The following DYNC1I2 variants were observed in gnomAD, a reference collection of about 807,000 sequenced individuals.
DYNC1I2 encodes cytoplasmic dynein 1 intermediate chain 2.
Under a neutral mutation model 88.6 loss-of-function variants are expected in DYNC1I2, and 53 were observed. The ratio of observed to expected loss-of-function variants is 0.60; its 90% CI spans 0.48 to 0.75. The LOEUF (loss-of-function observed/expected upper bound fraction) is 0.75. Among genes scored for constraint, DYNC1I2 ranks in the 30% least tolerant of loss-of-function variants. DYNC1I2 has a pLI of 0.00. For synonymous variants in DYNC1I2, 198 were observed against 254.6 expected, an observed-to-expected ratio of 0.78 and a Z score of 2.12; for missense variants, 458 against 766.6, an observed-to-expected ratio of 0.60 and a Z score of 4.75.
intron 4 of DYNC1I2, chr2:171,706,781 A>ACTTTTTGAAAGAAAAAAT (rs1686713347): frequency 2.1e-6 from 1 of 468,706 alleles, no homozygotes; most frequent in Non-Finnish European, 3.7e-6. Context: ...ATCATTTTAA[A>ACTTTTTGAAAGAAAAAAT]CATTACTTTT....
intron 15 of DYNC1I2, among the ~76,000 whole-genome samples, chr2:171,740,819 T>C (rs952431830): frequency 6.6e-6 from 1 of 152,184 alleles, no homozygotes; most frequent in African/African-American, 2.4e-5. Flanking sequence ...CCTTATACCA[T>C]GAAATTCACC....
At chr2:171,710,122 TACACACACACAC>T (rs55862813) in intron 5 of DYNC1I2, among the ~76,000 whole-genome samples, 239 of 144,426 alleles carry the variant, frequency 1.7e-3, no homozygotes, top group Middle Eastern at 7.0e-3. Flanking sequence ...TATGTATATA[TACACACACACAC>T]ACACACACAC....
chr2:171,688,791 T>G (rs1283259814), intron 1 of DYNC1I2: 1 of 152,190 alleles, frequency 6.6e-6, no homozygotes, highest in Non-Finnish European at 1.5e-5. Flanking sequence ...CTTACCTTTG[T>G]TCAGATTTAA....
intron 3 of DYNC1I2, among the ~76,000 whole-genome samples, chr2:171,704,568 C>T (rs1278880696): frequency 3.3e-5 from 5 of 152,100 alleles, no homozygotes; most frequent in Non-Finnish European, 5.9e-5. Flanking sequence ...ATCTCAGATA[C>T]TTGGCAAAAA....
At chr2:171,698,468 T>A (rs1419078832) in intron 3 of DYNC1I2, among the ~76,000 whole-genome samples, 2 of 152,148 alleles carry the variant, frequency 1.3e-5, no homozygotes, top group Non-Finnish European at 2.9e-5. Flanking sequence ...CCCTGCAACC[T>A]CCGCCTCCCA....
Position 171,728,745 on chromosome 2 carries a change from C to T in DYNC1I2, c.1286C>T (p.Ser429Leu). 6.2e-7 allele frequency: 1 copy of T among 1,606,662 alleles called. No individual in the cohort carries two copies. The highest frequency in any genetic ancestry group is 2.2e-5 in the East Asian group (1 of 44,656). ...QDSMELVHKQ[S>L]KAVAVTSMSF... ...AGCATGGAGTTGGTTCATAAACAGT[C>T]AAAAGCAGTAGCTGTGACATCTATG... is the stretch of plus-strand genomic sequence containing the variant. Residue 429 changes from serine to leucine, a missense_variant, in exon 14 of 18, where the codon TCA becomes TTA. By Grantham distance (145) the Ser-to-Leu change is moderately radical. Transcript: ENST00000397119.
rs1396387759 is a variant in DYNC1I2, at chr2:171,694,517, C to T, written c.226+1623C>T. ...TACTAAAAATACAAAATTAGGTGGG[C>T]GTGGTGGCGCATGCCTGTAATCCCA... On this transcript the variant is annotated intron_variant, in intron 3 of 17. Coordinates refer to ENST00000397119, the MANE Select transcript of DYNC1I2 (RefSeq NM_001378.3). Among the ~76,000 whole-genome samples, 12 of 151,858 alleles carry T rather than the reference C, an allele frequency of 7.9e-5. No homozygotes were observed. In the East Asian group the frequency reaches 9.9e-4, roughly 12 times the overall value.
chr2:171,740,500 C>T (rs1176205727), intron 15 of DYNC1I2, among the ~76,000 whole-genome samples: 2 of 152,140 alleles, frequency 1.3e-5, no homozygotes, highest in Non-Finnish European at 2.9e-5. Flanking sequence ...CTTTTTCCTA[C>T]TTGCGATTTG....
chr2:171,706,717 T>TA (rs1226945498), intron 4 of DYNC1I2, among the ~76,000 whole-genome samples, 153 bp downstream of exon 4: 1 of 152,190 alleles, frequency 6.6e-6, no homozygotes, highest in Non-Finnish European at 1.5e-5. Context: ...GCCATTCCTT[T>TA]AGCTGCAGTC....
At chr2:171,710,118 TATATACACAC>T (rs1367575946) in intron 5 of DYNC1I2, among the ~76,000 whole-genome samples, 3 of 72,682 alleles carry the variant, frequency 4.1e-5, no homozygotes, top group Non-Finnish European at 8.4e-5. Flanking sequence ...TTTTTATGTA[TATATACACAC>T]ACACACACAC....
At chr2:171,743,242 A>G (rs1689567114) in intron 15 of DYNC1I2, among the ~76,000 whole-genome samples, 1 of 152,190 alleles carries the variant, frequency 6.6e-6, no homozygotes, top group Non-Finnish European at 1.5e-5. Flanking sequence ...GTGGATGTGG[A>G]TCATCATAAA....
intron 3 of DYNC1I2, among the ~76,000 whole-genome samples, chr2:171,696,335 T>G (rs536726197): frequency 6.6e-6 from 1 of 152,262 alleles, no homozygotes; most frequent in South Asian, 2.1e-4. Context: ...GAAATACTGA[T>G]TAGAGAATTT....
intron 15 of DYNC1I2, among the ~76,000 whole-genome samples, chr2:171,732,251 T>C (rs1220857850): frequency 1.3e-5 from 2 of 152,166 alleles, no homozygotes. Flanking sequence ...TATTCCTAGC[T>C]ACTCGGGAGG....
At chr2:171,739,696 C>CTCTCTCTCTCTCTTTTTTTTTTTTT (rs1689267774) in intron 15 of DYNC1I2, among the ~76,000 whole-genome samples, 20 of 65,092 alleles carry the variant, frequency 3.1e-4, no homozygotes, top group African/African-American at 1.1e-3. Context: ...TGACATATCT[C>CTCTCTCTCTCTCTTTTTTTTTTTTT]TTTTTTTTTT....
At chr2:171,694,334 T>C (rs1294810625) in intron 3 of DYNC1I2, among the ~76,000 whole-genome samples, 1 of 152,136 alleles carries the variant, frequency 6.6e-6, no homozygotes, top group Non-Finnish European at 1.5e-5. Context: ...TTCTTTGTGT[T>C]GCTATAAAGA....
At position 171,750,069 on chromosome 2, in the gene DYNC1I2, T is replaced by C. The variant is rs546325115; in HGVS notation, c.*2180T>C. 7.2e-5 allele frequency among the ~76,000 whole-genome samples: 11 copies of C among 152,336 alleles called. No individual in the cohort carries two copies. The highest frequency in any genetic ancestry group is 2.4e-4 in the African/African-American group (10 of 41,584). On this transcript the variant is annotated 3_prime_UTR_variant, in exon 18 of 18. Transcript: ENST00000397119. Reference sequence around the variant, plus strand: ...TTTTCGTTGTTTGGTTTTTGTCTTTTTGAGTGGAACGTTAAAGTTTATTAC... The same window carrying C: ...TTTTCGTTGTTTGGTTTTTGTCTTTCTGAGTGGAACGTTAAAGTTTATTAC...
At chr2:171,742,919 C>A (rs1287789509) in intron 15 of DYNC1I2, among the ~76,000 whole-genome samples, 1 of 152,180 alleles carries the variant, frequency 6.6e-6, no homozygotes, top group Admixed American at 6.5e-5. Flanking sequence ...AGCACCCAGA[C>A]TGTACCATGA....
rs1688205497 is a variant in DYNC1I2 at position 171,725,709 on chromosome 2, T to G, written c.603T>G (p.Ser201Arg). The G allele has an allele frequency of 6.4e-7, 1 of 1,555,594 alleles. No homozygotes were observed. Among genetic ancestry groups the G allele is most frequent in the Admixed American group, 2.0e-5 (1 of 49,684 alleles). ...KTLKKDEENDSKAPPHELTEE... is the reference protein window; with the variant it reads ...KTLKKDEENDRKAPPHELTEE... The stretch of plus-strand genomic sequence containing the variant: ...TAAAGAAAGATGAGGAAAATGATAG[T>G]AAAGGTATCTTAAGGAATTAAACTT... The change falls in exon 8 of 18, where the codon AGT (serine) becomes AGG (arginine). Residue 201 changes from serine (S) to arginine (R), a missense_variant. Ser to Arg is a moderately radical substitution (Grantham distance 110). Transcript: ENST00000397119.
chr2:171,726,019 T>C lies in DYNC1I2; in HGVS notation c.708T>C (p.Ala236=). 6.3e-7 allele frequency: 1 copy of C among 1,596,086 alleles called. No individual in the cohort carries two copies. ...ATTCTACAAGAATTGTAGAAAGAGC[T>C]CTTTCTGAGCAGATTAACATCTTCT... is the stretch of plus-strand genomic sequence containing the variant. ...FDHSTRIVER[A]LSEQINIFFD... is the part of the protein sequence containing the mutation. The change falls in exon 9 of 18, where the codon GCT becomes GCC. Residue 236 remains alanine, a synonymous_variant. Transcript: ENST00000397119.
Sources: allele counts gnomAD v4.1 joint callset (sites outside exome capture counted in the v4.1 genomes callset), GRCh38; gene constraint gnomAD v4.1.1; transcripts MANE v1.5; gene names NCBI Gene and HGNC (gene_info 2026-07-23, HGNC 2026-07-21).